The following PCDHGA4 variants were observed in gnomAD, a reference collection of about 807,000 sequenced individuals.
The protein encoded by PCDHGA4 is protocadherin gamma subfamily A, 4.
PCDHGA4 carries 38 observed loss-of-function variants against 54.6 expected under a neutral mutation model. The observed-to-expected ratio is 0.70, with a 90% confidence interval of 0.54 to 0.91. The LOEUF (loss-of-function observed/expected upper bound fraction) is 0.91, where lower values mean the gene tolerates loss of function less well. Ranked by LOEUF, PCDHGA4 falls within the 40% of genes least tolerant of loss-of-function variation. PCDHGA4 has a pLI of 0.00. For missense variants in PCDHGA4, 1,298 were observed against 1,220.9 expected, an observed-to-expected ratio of 1.06 and a Z score of -0.94; for synonymous variants, 511 against 512.9, an observed-to-expected ratio of 1.00 and a Z score of 0.05.
rs190449546 is a variant in PCDHGA4, at chr5:141,371,792, G to T, written c.2514+14171G>T. ...CCGTGCATGTAGCTGAGAACAATCC[G>T]CCTGGAGCCTCCATTGCGCATGTCA... On this transcript the variant is annotated intron_variant, in intron 1 of 3. Transcript: ENST00000571252. The T allele has an allele frequency of 2.8e-4, 458 of 1,613,872 alleles. 2 individuals are homozygous for T. In the African/African-American group the frequency reaches 4.6e-3, roughly 16 times the overall value.
intron 1 of PCDHGA4, chr5:141,362,645 G>GTAGGA: frequency 1.4e-6 from 2 of 1,454,486 alleles, no homozygotes; most frequent in Non-Finnish European, 1.8e-6. Flanking sequence ...CTTTGTCTGT[G>GTAGGA]AGTTAGATTT....
chr5:141,489,288 G>A lies in PCDHGA4; in HGVS notation c.2515-5519G>A. 6.3e-7 allele frequency: 1 copy of A among 1,575,870 alleles called. No homozygotes were observed. Among genetic ancestry groups the A allele is most frequent in the Non-Finnish European group, 8.6e-7 (1 of 1,161,152 alleles). On this transcript the variant is annotated intron_variant, in intron 1 of 3. Coordinates refer to ENST00000571252, the MANE Select transcript of PCDHGA4 (RefSeq NM_018917.4). The surrounding 1 kb of genome is among the most constrained non-coding windows in gnomAD (Gnocchi z 4.5). ...AGCTCGCTGGGAAATGGCAAGTGCT[G>A]TGCATGTTGTCCTTGTGCTGCTGGG...
At chr5:141,404,518 T>C (rs775647026) in intron 1 of PCDHGA4, 16 of 1,613,656 alleles carry the variant, frequency 9.9e-6, no homozygotes, top group Non-Finnish European at 1.4e-5. Flanking sequence ...CCTTTGACTA[T>C]GAGCAGTTTA....
intron 1 of PCDHGA4, chr5:141,399,769 G>A (rs369379702): frequency 2.6e-5 from 42 of 1,613,216 alleles, no homozygotes; most frequent in Non-Finnish European, 3.5e-5. Flanking sequence ...GCGCGTGTTG[G>A]TGGGCGACCG....
chr5:141,400,145 A>T (rs543908773), intron 1 of PCDHGA4: 6 of 1,613,314 alleles, frequency 3.7e-6, no homozygotes, highest in Non-Finnish European at 4.2e-6. Flanking sequence ...GATATCACTG[A>T]CCGCCCTGTA....
Position 141,362,044 on chromosome 5 carries a change from G to C in PCDHGA4, c.2514+4423G>C, listed in dbSNP as rs571731822. On this transcript the variant is annotated intron_variant, in intron 1 of 3. Coordinates refer to ENST00000571252, the MANE Select transcript of PCDHGA4 (RefSeq NM_018917.4). ...AGCGCGTGCCTTGGGCGACAGGGAC[G>C]CGGCCCGCCAGCGCCTGCTGGTCGC... 46 of 1,610,576 alleles carry C rather than the reference G, an allele frequency of 2.9e-5. No homozygotes were observed. The East Asian group carries it at 9.8e-4, about 34-fold the overall frequency.
chr5:141,472,335 A>T (rs1033984936), intron 1 of PCDHGA4, among the ~76,000 whole-genome samples: 38 of 151,784 alleles, frequency 2.5e-4, no homozygotes, highest in Non-Finnish European at 2.5e-4. Context: ...AGGTTGGGAG[A>T]TCGAGACCAT....
intron 1 of PCDHGA4, chr5:141,427,300 A>G: frequency 2.2e-6 from 1 of 456,912 alleles, no homozygotes; most frequent in Non-Finnish European, 4.4e-6. Flanking sequence ...CTAGATGAGA[A>G]TGACAATGCC....
intron 2 of PCDHGA4, among the ~76,000 whole-genome samples, chr5:141,499,675 T>A (rs1426498530): frequency 2.0e-5 from 3 of 150,746 alleles, no homozygotes; most frequent in African/African-American, 7.3e-5. Flanking sequence ...GTCTCCACCA[T>A]CTTTAACAGA....
At chr5:141,414,183 A>C in intron 1 of PCDHGA4, 1 of 1,609,508 alleles carries the variant, frequency 6.2e-7, no homozygotes, top group Non-Finnish European at 8.5e-7. Flanking sequence ...CAACTGCAAA[A>C]GTGTTGATTA....
intron 1 of PCDHGA4, chr5:141,417,639 C>G: frequency 1.3e-6 from 1 of 745,670 alleles, no homozygotes; most frequent in Non-Finnish European, 2.1e-6. Flanking sequence ...CGCCGGGGAT[C>G]CCTCAGCCTC....
At chr5:141,470,323 A>G (rs1029928511) in intron 1 of PCDHGA4, among the ~76,000 whole-genome samples, 1 of 152,188 alleles carries the variant, frequency 6.6e-6, no homozygotes, top group Non-Finnish European at 1.5e-5. Context: ...AAATGATCCC[A>G]TAATTTGACC....
intron 1 of PCDHGA4, chr5:141,426,170 T>G (rs2096918811): frequency 6.4e-6 from 1 of 155,200 alleles, no homozygotes. Flanking sequence ...CCATACGGAT[T>G]GGGGTGCCCT....
chr5:141,366,780 C>A, intron 1 of PCDHGA4: 1 of 1,584,768 alleles, frequency 6.3e-7, no homozygotes, highest in Non-Finnish European at 8.6e-7. Context: ...TAAGGATGAC[C>A]AGAACATTTT....
At chr5:141,459,737 A>T (rs2098974670) in intron 1 of PCDHGA4, among the ~76,000 whole-genome samples, 1 of 152,176 alleles carries the variant, frequency 6.6e-6, no homozygotes, top group African/African-American at 2.4e-5. Flanking sequence ...CAATTTTTTA[A>T]ATTTTAGCAA....
intron 1 of PCDHGA4, chr5:141,366,529 G>A (rs748780311): frequency 6.2e-6 from 10 of 1,614,120 alleles, no homozygotes; most frequent in Non-Finnish European, 4.2e-6. Flanking sequence ...GCAGGTTGGC[G>A]GGTGTGCCCG....
chr5:141,496,513 G>A (rs1364297990), intron 2 of PCDHGA4, among the ~76,000 whole-genome samples: 1 of 152,140 alleles, frequency 6.6e-6, no homozygotes, highest in Non-Finnish European at 1.5e-5. Context: ...CAAGGACCCA[G>A]GAGCCCTTGG....
At position 141,414,686 on chromosome 5, in the gene PCDHGA4, C is replaced by A. The variant is rs201724090; in HGVS notation, c.2514+57065C>A. On this transcript the variant is annotated intron_variant, in intron 1 of 3. Coordinates refer to ENST00000571252, the MANE Select transcript of PCDHGA4 (RefSeq NM_018917.4). ...GCTGAAGACACCATCCAGGGGGTAC[C>A]TCTGTCCTCATACATATCCATCAAC... 57 of 1,613,924 alleles carry A rather than the reference C, an allele frequency of 3.5e-5. No homozygotes were observed. The highest frequency in any genetic ancestry group is 1.6e-4 in the Middle Eastern group (1 of 6,084).
intron 1 of PCDHGA4, chr5:141,402,985 A>G: frequency 6.2e-7 from 1 of 1,609,390 alleles, no homozygotes; most frequent in Non-Finnish European, 8.5e-7. Context: ...AGCTCCGCGG[A>G]AGATTAGTCC....
Sources: gnomAD v4.1 joint callset for allele counts (sites outside exome capture counted in the v4.1 genomes callset) on GRCh38, gnomAD v4.1.1 for gene constraint, Gnocchi (gnomAD v3.1) non-coding constraint, MANE v1.5 for transcripts, NCBI Gene and HGNC (gene_info 2026-07-23, HGNC 2026-07-21) for gene names.